The following ZNF420 variants were observed in gnomAD, a reference collection of about 807,000 sequenced individuals.
ZNF420 encodes ATM and p53-associated KZNF protein.
A neutral mutation model predicts 44.7 loss-of-function variants in ZNF420; 31 were observed. The ratio of observed to expected loss-of-function variants is 0.69; its 90% CI spans 0.52 to 0.94. The LOEUF (loss-of-function observed/expected upper bound fraction) is 0.94, where lower values mean the gene tolerates loss of function less well. ZNF420 is among the 40% of genes least tolerant of loss of function. The probability of loss-of-function intolerance (pLI) is 0.00; values close to 1 mark genes in which losing one functional copy is unlikely to be tolerated. For synonymous variants in ZNF420, 245 were observed against 267.4 expected, an observed-to-expected ratio of 0.92 and a Z score of 0.82; for missense variants, 681 against 827.9, an observed-to-expected ratio of 0.82 and a Z score of 2.18.
At chr19:37,122,932 T>C (rs1301127904) in intron 4 of ZNF420, among the ~76,000 whole-genome samples, 1 of 152,226 alleles carries the variant, frequency 6.6e-6, no homozygotes, top group Non-Finnish European at 1.5e-5. Flanking sequence ...ATTGAACATC[T>C]TCATTTGATA....
At position 37,066,114 on chromosome 19, in the gene ZNF420, T is replaced by A. The variant is rs74881870; in HGVS notation, c.-124-14231T>A. 6.1e-3 allele frequency among the ~76,000 whole-genome samples: 935 copies of A among 152,338 alleles called. 27 individuals carry two copies. The highest frequency in any genetic ancestry group is 0.05 in the East Asian group (257 of 5,182). On this transcript the variant is annotated intron_variant, in intron 1 of 4. Transcript: ENST00000587029. Reference sequence around the variant, plus strand: ...ATGTTATCAAAAATGTTTTTCTTACTCATCAAAAGACACTGTTAAAAATAT... The same window carrying A: ...ATGTTATCAAAAATGTTTTTCTTACACATCAAAAGACACTGTTAAAAATAT...
At chr19:37,018,370 G>A (rs2074622633) in intron 1 of ZNF420, among the ~76,000 whole-genome samples, 1 of 152,022 alleles carries the variant, frequency 6.6e-6, no homozygotes, top group African/African-American at 2.4e-5. Flanking sequence ...AATAAAGCTG[G>A]AAAAATCACA....
intron 1 of ZNF420, among the ~76,000 whole-genome samples, chr19:37,037,674 T>C (rs991070053): frequency 6.6e-6 from 1 of 152,122 alleles, no homozygotes; most frequent in East Asian, 1.9e-4. Flanking sequence ...CTCAGAAGGT[T>C]CTGGCAGAAA....
At chr19:37,053,923 G>C (rs1186205008) in intron 1 of ZNF420, among the ~76,000 whole-genome samples, 2 of 152,222 alleles carry the variant, frequency 1.3e-5, no homozygotes, top group African/African-American at 4.8e-5. Context: ...AGAGGATTCT[G>C]CTGCCTTTTG....
chr19:37,101,328 C>T (rs192056425), intron 4 of ZNF420, among the ~76,000 whole-genome samples: 2,930 of 152,224 alleles, frequency 0.019, 77 homozygotes, highest in East Asian at 0.049. Flanking sequence ...AACCCCATTT[C>T]TACTAAAAAT....
At chr19:37,045,102 T>A (rs1263591287) in intron 1 of ZNF420, among the ~76,000 whole-genome samples, 1 of 152,200 alleles carries the variant, frequency 6.6e-6, no homozygotes, top group Non-Finnish European at 1.5e-5. Context: ...ATGATACTGC[T>A]TGCTAAGTTT....
At chr19:37,079,139 G>A (rs547646402) in intron 1 of ZNF420, among the ~76,000 whole-genome samples, 1 of 152,280 alleles carries the variant, frequency 6.6e-6, no homozygotes, top group South Asian at 2.1e-4. Flanking sequence ...GGCGGTATGT[G>A]TCTCTGACAA....
At chr19:37,042,627 G>A (rs1165662912) in intron 1 of ZNF420, among the ~76,000 whole-genome samples, 1 of 152,186 alleles carries the variant, frequency 6.6e-6, no homozygotes, top group Non-Finnish European at 1.5e-5. Context: ...AATATCTATT[G>A]TGTGCCCAGA....
chr19:37,072,442 A>G (rs1444131741), intron 1 of ZNF420, among the ~76,000 whole-genome samples: 2 of 152,220 alleles, frequency 1.3e-5, no homozygotes, highest in Admixed American at 6.5e-5. Context: ...TCACAAAGGA[A>G]GAAGATACTC....
chr19:37,042,095 G>A (rs543346366), intron 1 of ZNF420, among the ~76,000 whole-genome samples: 1 of 152,346 alleles, frequency 6.6e-6, no homozygotes, highest in East Asian at 1.9e-4. Flanking sequence ...CGCCTCCCCA[G>A]TTCAAGCAAT....
intron 1 of ZNF420, among the ~76,000 whole-genome samples, chr19:37,052,462 G>A (rs1967656758): frequency 6.6e-6 from 1 of 152,142 alleles, no homozygotes; most frequent in Non-Finnish European, 1.5e-5. Flanking sequence ...AGCCTCAATG[G>A]TCTTTACAAT....
intron 1 of ZNF420, among the ~76,000 whole-genome samples, chr19:37,026,509 G>C (rs191353587): frequency 4.0e-4 from 61 of 152,266 alleles, no homozygotes; most frequent in Admixed American, 3.4e-3. Context: ...AGTAGAGATG[G>C]GGTTTCTCCA....
intron 1 of ZNF420, among the ~76,000 whole-genome samples, chr19:37,014,739 C>A (rs2074597375): frequency 6.6e-6 from 1 of 152,248 alleles, no homozygotes; most frequent in South Asian, 2.1e-4. Flanking sequence ...GGGACCACCA[C>A]CATTGCCTGG....
At chr19:37,011,991 G>A (rs373231344) in intron 1 of ZNF420, among the ~76,000 whole-genome samples, 2 of 152,314 alleles carry the variant, frequency 1.3e-5, no homozygotes, top group South Asian at 4.1e-4. Flanking sequence ...ACGCCTTGAG[G>A]CTCATGGATC....
intron 1 of ZNF420, among the ~76,000 whole-genome samples, chr19:37,061,363 A>G (rs554769754): frequency 6.6e-6 from 1 of 152,336 alleles, no homozygotes; most frequent in African/African-American, 2.4e-5. Context: ...TCAGACTGTT[A>G]TATATGCTCT....
intron 1 of ZNF420, among the ~76,000 whole-genome samples, chr19:37,054,708 C>T (rs1967709607): frequency 6.6e-6 from 1 of 152,172 alleles, no homozygotes; most frequent in Non-Finnish European, 1.5e-5. Context: ...TGCTCACTGT[C>T]ATGCGCTGCC....
intron 1 of ZNF420, among the ~76,000 whole-genome samples, chr19:37,033,530 C>G (rs532453733): frequency 1.3e-5 from 2 of 152,338 alleles, no homozygotes; most frequent in South Asian, 4.1e-4. Flanking sequence ...TAGCATGCAT[C>G]AGAATGTCCC....
chr19:37,018,966 T>A (rs1789234865), intron 1 of ZNF420, among the ~76,000 whole-genome samples: 1 of 152,050 alleles, frequency 6.6e-6, no homozygotes, highest in Non-Finnish European at 1.5e-5. Context: ...CATTTGGTAA[T>A]TTTTTTTGGA....
chr19:37,074,233 T>A (rs763439623), upstream of ZNF420, among the ~76,000 whole-genome samples: 8 of 152,148 alleles, frequency 5.3e-5, no homozygotes, highest in Non-Finnish European at 1.0e-4. Flanking sequence ...CAGGTGCACA[T>A]CTCCTTGAAC....
Sources: allele counts gnomAD v4.1 joint callset (sites outside exome capture counted in the v4.1 genomes callset), GRCh38; gene constraint gnomAD v4.1.1; transcripts MANE v1.5; gene names NCBI Gene and HGNC (gene_info 2026-07-23, HGNC 2026-07-21).